Variants in CNOT10 observed in about 807,000 individuals in gnomAD.
CNOT10 encodes CCR4-NOT transcription complex, subunit 10.
Under a neutral mutation model 94.6 loss-of-function variants are expected in CNOT10, and 30 were observed. That is an observed-to-expected ratio of 0.32 (90% CI 0.24 to 0.43). The LOEUF (loss-of-function observed/expected upper bound fraction) is 0.43, where lower values mean the gene tolerates loss of function less well. Ranked by LOEUF, CNOT10 falls within the 20% of genes least tolerant of loss-of-function variation. The pLI is 1.00. For synonymous variants in CNOT10, 289 were observed against 301.6 expected, an observed-to-expected ratio of 0.96 and a Z score of 0.43; for missense variants, 759 against 877.2, an observed-to-expected ratio of 0.87 and a Z score of 1.70.
At chr3:32,773,135 A>C (rs1700987992) in intron 18 of CNOT10, among the ~76,000 whole-genome samples, 2 of 152,118 alleles carry the variant, frequency 1.3e-5, no homozygotes, top group African/African-American at 4.8e-5. Flanking sequence ...CCAAAGTACT[A>C]GGGTTACAGG....
At chr3:32,714,498 C>G (rs1199328855) in intron 5 of CNOT10, among the ~76,000 whole-genome samples, 1 of 151,620 alleles carries the variant, frequency 6.6e-6, no homozygotes, top group Non-Finnish European at 1.5e-5. Flanking sequence ...CACCTGAGGT[C>G]AGGAGTTAGA....
intron 8 of CNOT10, among the ~76,000 whole-genome samples, chr3:32,724,915 C>G (rs888861831): frequency 6.6e-6 from 1 of 152,220 alleles, no homozygotes; most frequent in Non-Finnish European, 1.5e-5. Flanking sequence ...TTGGTTGTTT[C>G]CATGCATACT....
chr3:32,769,810 G>A, intron 17 of CNOT10, 77 bp from the exon 18 acceptor site: 1 of 1,128,094 alleles, frequency 8.9e-7, no homozygotes, highest in East Asian at 2.4e-5. Flanking sequence ...TTGTTACCTT[G>A]TTGGTTGGCA....
intron 9 of CNOT10, among the ~76,000 whole-genome samples, chr3:32,726,860 T>C (rs1698693300): frequency 3.2e-5 from 2 of 63,264 alleles, no homozygotes. Flanking sequence ...TTTTTTTTTT[T>C]TCCTGAGACG....
intron 1 of CNOT10, among the ~76,000 whole-genome samples, chr3:32,685,963 G>A (rs973991350): frequency 6.6e-6 from 1 of 152,052 alleles, no homozygotes; most frequent in Admixed American, 6.6e-5. Context: ...GATAGAGACG[G>A]GCGGGGGTCT....
chr3:32,747,154 A>G (rs1053531255), intron 13 of CNOT10, among the ~76,000 whole-genome samples: 3 of 151,790 alleles, frequency 2.0e-5, no homozygotes, highest in Non-Finnish European at 2.9e-5. Context: ...GGTGGCTCAC[A>G]CCTGTAATCC....
intron 14 of CNOT10, among the ~76,000 whole-genome samples, chr3:32,761,863 C>A (rs1700463029): frequency 6.8e-6 from 1 of 147,914 alleles, no homozygotes; most frequent in Non-Finnish European, 1.5e-5. Flanking sequence ...GCTTCCATCT[C>A]CCGGGTTCAA....
intron 13 of CNOT10, 139 bp from the exon 14 acceptor site, chr3:32,759,319 C>T: frequency 1.6e-6 from 1 of 630,594 alleles, no homozygotes; most frequent in South Asian, 2.1e-5. Context: ...CTAATTCTTA[C>T]CATTAGTACC....
chr3:32,697,412 C>T (rs1697125541), intron 1 of CNOT10, among the ~76,000 whole-genome samples: 1 of 152,032 alleles, frequency 6.6e-6, no homozygotes, highest in Admixed American at 6.6e-5. Context: ...CCCAAAAGTC[C>T]CATTAAAGAA....
At chr3:32,764,918 G>A (rs1700599600) in intron 17 of CNOT10, 109 bp downstream of exon 17, 1 of 1,527,030 alleles carries the variant, frequency 6.5e-7, no homozygotes, top group African/African-American at 1.4e-5. Context: ...GTTAAATATT[G>A]GAATATCACT....
At chr3:32,735,596 A>G (rs1049380291) in intron 12 of CNOT10, among the ~76,000 whole-genome samples, 2 of 151,008 alleles carry the variant, frequency 1.3e-5, no homozygotes, top group African/African-American at 4.9e-5. Flanking sequence ...AATCCCCACT[A>G]CTGGGAAAGC....
intron 9 of CNOT10, 22 bp from the exon 10 acceptor site, chr3:32,727,646 C>G (rs1258416718): frequency 2.8e-6 from 4 of 1,448,924 alleles, no homozygotes; most frequent in Non-Finnish European, 2.9e-6. Context: ...ATGATGTATT[C>G]TTATCTAATT....
chr3:32,747,276 G>A (rs551935591), intron 13 of CNOT10, among the ~76,000 whole-genome samples: 56 of 152,056 alleles, frequency 3.7e-4, no homozygotes, highest in African/African-American at 1.3e-3. Flanking sequence ...AAATTAAGCG[G>A]GTGTACTGGC....
At chr3:32,744,956 G>A (rs2125598950) in intron 13 of CNOT10, among the ~76,000 whole-genome samples, 1 of 152,230 alleles carries the variant, frequency 6.6e-6, no homozygotes, top group East Asian at 1.9e-4. Context: ...TTGGCTCACT[G>A]CAACCTCCGC....
At chr3:32,731,349 G>T (rs1698943773) in intron 10 of CNOT10, among the ~76,000 whole-genome samples, 1 of 152,178 alleles carries the variant, frequency 6.6e-6, no homozygotes, top group African/African-American at 2.4e-5. Context: ...AAGACTTTTT[G>T]CAGGGCAGAG....
At chr3:32,686,860 A>T (rs150250853) in intron 1 of CNOT10, among the ~76,000 whole-genome samples, 1 of 152,288 alleles carries the variant, frequency 6.6e-6, no homozygotes, top group East Asian at 1.9e-4. Context: ...AAAGCCTTCT[A>T]CTTGTTCATT....
At chr3:32,746,413 C>A (rs1463461751) in intron 13 of CNOT10, among the ~76,000 whole-genome samples, 1 of 152,046 alleles carries the variant, frequency 6.6e-6, no homozygotes, top group African/African-American at 2.4e-5. Context: ...TCAGTGGGAG[C>A]CCTGAGCTTG....
intron 18 of CNOT10, among the ~76,000 whole-genome samples, chr3:32,772,737 C>T (rs1700969659): frequency 3.3e-5 from 5 of 152,276 alleles, no homozygotes; most frequent in Admixed American, 3.3e-4. Context: ...CCTTGTTGAC[C>T]TTGGGAACTC....
chr3:32,712,177 T>TC (rs397734988), intron 4 of CNOT10, among the ~76,000 whole-genome samples: 1 of 151,236 alleles, frequency 6.6e-6, no homozygotes, highest in East Asian at 1.9e-4. Context: ...TTTTTTTTTT[T>TC]CCATCTCCAT....
Sources: gnomAD v4.1 joint callset for allele counts (sites outside exome capture counted in the v4.1 genomes callset) on GRCh38, gnomAD v4.1.1 for gene constraint, MANE v1.5 for transcripts, NCBI Gene and HGNC (gene_info 2026-07-23, HGNC 2026-07-21) for gene names.